The following GALNT16 variants were observed in gnomAD, a reference collection of about 807,000 sequenced individuals.
GALNT16 encodes UDP-GalNAc:polypeptide N-acetylgalactosaminyltransferase-like protein 1.
Under a neutral mutation model 76.1 loss-of-function variants are expected in GALNT16, and 40 were observed. The observed-to-expected ratio is 0.53, with a 90% CI of 0.41 to 0.68. The LOEUF (loss-of-function observed/expected upper bound fraction) is 0.68. GALNT16 is among the 30% of genes least tolerant of loss of function. The pLI, the probability that GALNT16 is intolerant of heterozygous loss-of-function variation, is 0.00. For synonymous variants in GALNT16, 276 were observed against 285.2 expected (o/e 0.97, Z 0.32); for missense variants, 621 against 731.9 (o/e 0.85, Z 1.75).
At chr14:69,337,164 T>C (rs1334552561) in intron 9 of GALNT16, among the ~76,000 whole-genome samples, 1 of 152,270 alleles carries the variant, frequency 6.6e-6, no homozygotes, top group Non-Finnish European at 1.5e-5. Context: ...GAAAATTTGC[T>C]GAGTGAACTA....
chr14:69,347,423 C>T (rs1594870046), intron 13 of GALNT16, among the ~76,000 whole-genome samples: 1 of 152,200 alleles, frequency 6.6e-6, no homozygotes, highest in East Asian at 1.9e-4. Flanking sequence ...CCAGATAGTG[C>T]CCAGTTGTCT....
At chr14:69,338,569 A>G (rs1467016214) in intron 9 of GALNT16, 82 bp from the exon 10 acceptor site, 10 of 1,573,502 alleles carry the variant, frequency 6.4e-6, no homozygotes, top group African/African-American at 2.7e-5. Flanking sequence ...GTGAGACACC[A>G]AAGGGAAGGG....
At chr14:69,331,584 C>T in intron 7 of GALNT16, 33 bp downstream of exon 7, 1 of 1,248,800 alleles carries the variant, frequency 8.0e-7, no homozygotes, top group Non-Finnish European at 1.2e-6. Flanking sequence ...GGGCTGTAGA[C>T]ATGAAAGGAG....
chr14:69,350,450 G>A (rs938757466), intron 14 of GALNT16: 1 of 152,228 alleles, frequency 6.6e-6, no homozygotes, highest in Admixed American at 6.5e-5. Context: ...CTGGAGGTTT[G>A]GCCTACATGA....
chr14:69,318,852 C>T (rs147452239), intron 1 of GALNT16, among the ~76,000 whole-genome samples: 1 of 152,308 alleles, frequency 6.6e-6, no homozygotes, highest in Non-Finnish European at 1.5e-5. Flanking sequence ...CATCGCTCTC[C>T]CAGGTGGGAA....
chr14:69,320,159 G>C (rs1433464336), intron 1 of GALNT16, among the ~76,000 whole-genome samples: 1 of 152,236 alleles, frequency 6.6e-6, no homozygotes, highest in African/African-American at 2.4e-5. Flanking sequence ...TTTAAATCCA[G>C]ACCTTGTGAC....
At chr14:69,334,602 G>A (rs1218189234) in intron 9 of GALNT16, among the ~76,000 whole-genome samples, 1 of 152,184 alleles carries the variant, frequency 6.6e-6, no homozygotes, top group Non-Finnish European at 1.5e-5. Flanking sequence ...TGTGACTTCT[G>A]GGAGCTGTAA....
chr14:69,320,712 T>G lies in GALNT16; in HGVS notation c.179T>G (p.Val60Gly). 6.2e-7 allele frequency: 1 copy of G among 1,613,372 alleles called. No homozygotes were observed. The highest frequency in any genetic ancestry group is 8.5e-7 in the Non-Finnish European group (1 of 1,179,594). The part of the protein sequence containing the change: ...LREDRTIPLI[V>G]TGTPSKGFDE... ...CTCTGATGCTGACCTTCATCTCAGGTGACAGGAACTCCCTCGAAAGGCTTT... is the reference window on the plus strand; with the variant it reads ...CTCTGATGCTGACCTTCATCTCAGGGGACAGGAACTCCCTCGAAAGGCTTT... The change falls in exon 2 of 15, where the codon GTG becomes GGG. Residue 60 changes from valine (V) to glycine (G), a missense_variant and splice_region_variant. By Grantham distance (109) the Val-to-Gly change is moderately radical. Coordinates refer to ENST00000448469, the MANE Select transcript of GALNT16 (RefSeq NM_001168368.2).
At chr14:69,283,464 T>C (rs1368458710) in intron 1 of GALNT16, among the ~76,000 whole-genome samples, 1 of 152,220 alleles carries the variant, frequency 6.6e-6, no homozygotes, top group Non-Finnish European at 1.5e-5. Context: ...ATGGTTTGTC[T>C]ACCAGGGTCA....
intron 2 of GALNT16, among the ~76,000 whole-genome samples, chr14:69,324,334 C>T (rs770447611): frequency 6.6e-6 from 1 of 152,060 alleles, no homozygotes; most frequent in Non-Finnish European, 1.5e-5. Context: ...CTCGCACATA[C>T]CCCCCACCAT....
rs193031980 is a variant in GALNT16, at chr14:69,346,242, C to T, written c.1272-798C>T. ...GGGTTTTCTATCGTATGGATGAATCCGAATTTATTTAGCCCAGCTCCTGTT... is the reference window on the plus strand; with the variant it reads ...GGGTTTTCTATCGTATGGATGAATCTGAATTTATTTAGCCCAGCTCCTGTT... On this transcript the variant is annotated intron_variant, in intron 12 of 14. Coordinates refer to ENST00000448469, the MANE Select transcript of GALNT16 (RefSeq NM_001168368.2). Among the ~76,000 whole-genome samples the T allele has an allele frequency of 1.1e-3, 169 of 152,168 alleles. 1 individual carries two copies. Among genetic ancestry groups the T allele is most frequent in the Admixed American group, 9.7e-3 (148 of 15,280 alleles).
chr14:69,351,852 C>A (rs1251526791), intron 14 of GALNT16, 179 bp from the exon 15 acceptor site: 1 of 566,388 alleles, frequency 1.8e-6, no homozygotes, highest in Non-Finnish European at 3.0e-6. Context: ...TTCGAGGCTG[C>A]AGTGAGCTGT....
chr14:69,322,930 GTGTGTGT>G (rs1354708452), intron 2 of GALNT16, among the ~76,000 whole-genome samples: 7 of 37,130 alleles, frequency 1.9e-4, no homozygotes, highest in Non-Finnish European at 4.1e-5. Flanking sequence ...CACGGGGTGT[GTGTGTGT>G]GTGTGTGTGT....
At chr14:69,330,114 T>A (rs1434089169) in intron 6 of GALNT16, among the ~76,000 whole-genome samples, 1 of 151,968 alleles carries the variant, frequency 6.6e-6, no homozygotes, top group Non-Finnish European at 1.5e-5. Context: ...AATGAAAACA[T>A]ATGTTCACAC....
chr14:69,264,475 G>A (rs1308860767), intron 1 of GALNT16, among the ~76,000 whole-genome samples: 1 of 152,172 alleles, frequency 6.6e-6, no homozygotes, highest in Non-Finnish European at 1.5e-5. Flanking sequence ...TCAGTGGAAG[G>A]TCCCACAGGA....
At chr14:69,263,491 G>C (rs944916645) in intron 1 of GALNT16, among the ~76,000 whole-genome samples, 1 of 152,236 alleles carries the variant, frequency 6.6e-6, no homozygotes, top group Non-Finnish European at 1.5e-5. Context: ...GAATGATGTG[G>C]CTAGCCCTGC....
At chr14:69,298,882 C>G (rs2044807024) in intron 1 of GALNT16, among the ~76,000 whole-genome samples, 1 of 152,212 alleles carries the variant, frequency 6.6e-6, no homozygotes, top group Non-Finnish European at 1.5e-5. Context: ...GTAGGCCCAG[C>G]CAAGAGGGAG....
intron 5 of GALNT16, among the ~76,000 whole-genome samples, chr14:69,327,835 G>A (rs886147726): frequency 7.9e-5 from 12 of 152,204 alleles, no homozygotes; most frequent in African/African-American, 1.2e-4. Flanking sequence ...TGAGGCTATC[G>A]GGGGACAGGC....
chr14:69,337,575 T>C (rs2045430237), intron 9 of GALNT16, among the ~76,000 whole-genome samples: 1 of 152,220 alleles, frequency 6.6e-6, no homozygotes, highest in Admixed American at 6.5e-5. Flanking sequence ...TACGCCTTAG[T>C]TGCTGAGGCC....
Sources: allele counts gnomAD v4.1 joint callset (sites outside exome capture counted in the v4.1 genomes callset), GRCh38; gene constraint gnomAD v4.1.1; transcripts MANE v1.5; gene names NCBI Gene and HGNC (gene_info 2026-07-23, HGNC 2026-07-21).